MINDY2: variants seen among roughly 807,000 people sequenced by gnomAD.
MINDY2 encodes MINDY lysine 48 deubiquitinase 2.
MINDY2 carries 52 observed loss-of-function variants against 68.2 expected under a neutral mutation model. The observed-to-expected ratio is 0.76, with a 90% CI of 0.61 to 0.96. MINDY2 has a LOEUF of 0.96. Ranked by LOEUF, MINDY2 falls within the 40% of genes least tolerant of loss-of-function variation. The pLI is 0.00. For synonymous variants in MINDY2, 372 were observed against 303.0 expected, an observed-to-expected ratio of 1.23 and a Z score of -2.36; for missense variants, 881 against 773.4, an observed-to-expected ratio of 1.14 and a Z score of -1.65.
At chr15:58,835,733 A>G (rs2031963210) in intron 6 of MINDY2, among the ~76,000 whole-genome samples, 1 of 152,204 alleles carries the variant, frequency 6.6e-6, no homozygotes, top group African/African-American at 2.4e-5. Context: ...TGGCCAAAAA[A>G]GAGTTAACTT....
chr15:58,848,385 T>C (rs1659040795), intron 7 of MINDY2, among the ~76,000 whole-genome samples: 1 of 152,176 alleles, frequency 6.6e-6, no homozygotes, highest in Non-Finnish European at 1.5e-5. Flanking sequence ...AAGGCAGATA[T>C]TTGACCAACT....
At chr15:58,822,861 T>C (rs542874249) in intron 5 of MINDY2, among the ~76,000 whole-genome samples, 1 of 152,266 alleles carries the variant, frequency 6.6e-6, no homozygotes, top group South Asian at 2.1e-4. Context: ...TCATGAGAAG[T>C]AGGGCATGAG....
At chr15:58,796,858 T>G (rs1595720508) in intron 2 of MINDY2, among the ~76,000 whole-genome samples, 1 of 152,146 alleles carries the variant, frequency 6.6e-6, no homozygotes, top group Non-Finnish European at 1.5e-5. Flanking sequence ...AAGTAATGAG[T>G]TACATGTATT....
intron 6 of MINDY2, among the ~76,000 whole-genome samples, chr15:58,842,464 A>G (rs1331877737): frequency 6.6e-6 from 1 of 152,182 alleles, no homozygotes; most frequent in Non-Finnish European, 1.5e-5. Context: ...TTTTTTTCAC[A>G]GAATGCTACA....
At chr15:58,849,124 C>T (rs2032686964) in intron 7 of MINDY2, among the ~76,000 whole-genome samples, 1 of 151,644 alleles carries the variant, frequency 6.6e-6, no homozygotes, top group Admixed American at 6.6e-5. Flanking sequence ...GTGAGAGAAT[C>T]ACTTGAACCC....
chr15:58,832,938 A>T (rs919008357), intron 6 of MINDY2, among the ~76,000 whole-genome samples: 1 of 152,242 alleles, frequency 6.6e-6, no homozygotes, highest in Admixed American at 6.5e-5. Context: ...ACTGTTTGCT[A>T]TTATTAAACT....
At chr15:58,848,825 G>A (rs112068235) in intron 7 of MINDY2, among the ~76,000 whole-genome samples, 9 of 152,186 alleles carry the variant, frequency 5.9e-5, no homozygotes, top group African/African-American at 1.4e-4. Context: ...TCTGAAAGTC[G>A]TGCTCATTTT....
At chr15:58,784,529 T>C (rs1190237595) in intron 1 of MINDY2, among the ~76,000 whole-genome samples, 1 of 152,104 alleles carries the variant, frequency 6.6e-6, no homozygotes, top group Non-Finnish European at 1.5e-5. Context: ...TTGTATATGT[T>C]AAAGTACTTA....
intron 3 of MINDY2, among the ~76,000 whole-genome samples, chr15:58,802,966 A>G (rs1409598397): frequency 6.6e-6 from 1 of 152,230 alleles, no homozygotes. Flanking sequence ...AATAGAAGGC[A>G]AGAAGGAATT....
At chr15:58,811,518 C>G (rs974071303) in intron 4 of MINDY2, among the ~76,000 whole-genome samples, 1 of 152,342 alleles carries the variant, frequency 6.6e-6, no homozygotes, top group Middle Eastern at 3.4e-3. Context: ...ATAATTGCCA[C>G]TCCTAACTCT....
At chr15:58,780,145 C>G (rs1314695775) in intron 1 of MINDY2, among the ~76,000 whole-genome samples, 3 of 152,128 alleles carry the variant, frequency 2.0e-5, no homozygotes, top group Admixed American at 6.5e-5. Flanking sequence ...TTGGCTCACA[C>G]TGTAATCCCA....
chr15:58,775,796 A>C (rs770120774), intron 1 of MINDY2, among the ~76,000 whole-genome samples: 1 of 152,148 alleles, frequency 6.6e-6, no homozygotes, highest in Non-Finnish European at 1.5e-5. Context: ...AGTGGGGGGC[A>C]TAAAAATATA....
intron 6 of MINDY2, among the ~76,000 whole-genome samples, chr15:58,836,073 C>T (rs1052537279): frequency 6.6e-6 from 1 of 152,026 alleles, no homozygotes. Context: ...CCACACCCAG[C>T]TAATTTTTTT....
rs1567066982 is a variant in MINDY2 at position 58,831,783 on chromosome 15, C to G, written c.1235C>G (p.Ala412Gly). 6.2e-7 allele frequency: 1 copy of G among 1,612,042 alleles called. No homozygotes were observed. Among genetic ancestry groups the G allele is most frequent in the Non-Finnish European group, 8.5e-7 (1 of 1,179,300 alleles). Residue 412 changes from alanine (A) to glycine (G), a missense_variant, in exon 6 of 9, where the codon GCT (alanine) becomes GGT (glycine). Transcript: ENST00000559228. ...TGCATTGGTTCTATAGGCTTTGTAG[C>G]TGAGCAGTTTCTAAATAACACAGCC... is the stretch of plus-strand genomic sequence containing the variant. Reference protein sequence around the residue: ...NSELVSEGFVAEQFLNNTATQ... With the variant: ...NSELVSEGFVGEQFLNNTATQ...
intron 8 of MINDY2, among the ~76,000 whole-genome samples, chr15:58,852,928 T>G (rs1161352615): frequency 0.015 from 33 of 2,268 alleles, no homozygotes; most frequent in South Asian, 0.091. Flanking sequence ...TCCTGTTTTT[T>G]TTTTTTTTTT....
intron 7 of MINDY2, among the ~76,000 whole-genome samples, chr15:58,849,956 C>T (rs747206408): frequency 2.7e-4 from 41 of 152,128 alleles, no homozygotes; most frequent in African/African-American, 5.3e-4. Context: ...ACACTGGTCT[C>T]GAACTCCTGG....
At chr15:58,820,011 A>T (rs544058635) in intron 4 of MINDY2, among the ~76,000 whole-genome samples, 1 of 152,314 alleles carries the variant, frequency 6.6e-6, no homozygotes, top group Non-Finnish European at 1.5e-5. Context: ...CACACCTGTA[A>T]TCCCAGCACT....
intron 6 of MINDY2, 105 bp from the exon 7 acceptor site, chr15:58,847,192 G>A (rs2032577919): frequency 6.9e-6 from 6 of 870,448 alleles, no homozygotes; most frequent in Non-Finnish European, 1.0e-5. Flanking sequence ...CAGTAGGAAT[G>A]TTTAATATAT....
chr15:58,832,576 C>G (rs1224216004), intron 6 of MINDY2, among the ~76,000 whole-genome samples: 1 of 149,024 alleles, frequency 6.7e-6, no homozygotes, highest in Non-Finnish European at 1.5e-5. Context: ...GTTGCCCAGG[C>G]TGGAGTACAA....
Sources: allele counts gnomAD v4.1 joint callset (sites outside exome capture counted in the v4.1 genomes callset), GRCh38; gene constraint gnomAD v4.1.1; transcripts MANE v1.5; gene names NCBI Gene and HGNC (gene_info 2026-07-23, HGNC 2026-07-21).